The following KIAA1549L variants were observed in gnomAD, a reference collection of about 807,000 sequenced individuals.
KIAA1549L encodes KIAA1549 like.
Under a neutral mutation model 160.7 loss-of-function variants are expected in KIAA1549L, and 88 were observed. The observed-to-expected ratio is 0.55, with a 90% CI of 0.46 to 0.65. The LOEUF is 0.65. Among genes scored for constraint, KIAA1549L ranks in the 30% least tolerant of loss-of-function variants. KIAA1549L has a pLI of 0.00. For missense variants in KIAA1549L, 2,258 were observed against 2,437.5 expected (o/e 0.93, Z 1.55); for synonymous variants, 950 against 976.7 (o/e 0.97, Z 0.51).
intron 1 of KIAA1549L, among the ~76,000 whole-genome samples, chr11:33,525,739 T>C (rs1853596369): frequency 6.6e-6 from 1 of 151,898 alleles, no homozygotes; most frequent in South Asian, 2.1e-4. Flanking sequence ...TCAGCTCTGC[T>C]CACCAGCTGC....
chr11:33,493,751 G>A (rs951150514), intron 1 of KIAA1549L, among the ~76,000 whole-genome samples: 4 of 152,200 alleles, frequency 2.6e-5, no homozygotes, highest in African/African-American at 7.2e-5. Flanking sequence ...TCCGAAGTTG[G>A]GTAAGGCTGG....
At chr11:33,386,261 C>T (rs1850170730) in intron 1 of KIAA1549L, among the ~76,000 whole-genome samples, 1 of 152,212 alleles carries the variant, frequency 6.6e-6, no homozygotes, top group African/African-American at 2.4e-5. Flanking sequence ...ATTCCCTTCT[C>T]TAGCAAATTT....
At chr11:33,538,678 G>T (rs12289492) in intron 1 of KIAA1549L, among the ~76,000 whole-genome samples, 2,993 of 152,220 alleles carry the variant, frequency 0.02, 101 homozygotes, top group African/African-American at 0.069. Flanking sequence ...TAAAAATATT[G>T]ACTCTGTTGT....
chr11:33,439,775 T>G (rs1198216251), intron 1 of KIAA1549L, among the ~76,000 whole-genome samples: 1 of 152,068 alleles, frequency 6.6e-6, no homozygotes, highest in African/African-American at 2.4e-5. Flanking sequence ...ATAATAGTTT[T>G]GACCTCAAAA....
chr11:33,580,587 A>AAAAAAAAAAAG (rs1554994225), intron 10 of KIAA1549L, among the ~76,000 whole-genome samples: 54 of 127,494 alleles, frequency 4.2e-4, no homozygotes, highest in African/African-American at 1.7e-3. Flanking sequence ...AAAAAAAAAA[A>AAAAAAAAAAAG]AAAAGAAAAG....
rs1854789513 is a variant in KIAA1549L, at chr11:33,559,983, A to G, written c.4018+72A>G. ...CTTTCTCCATTTAGCAAACATTTAT[A>G]GTGCCAGGCCACATACTACCACCTT... On this transcript the variant is annotated intron_variant, in intron 7 of 20. Transcript: ENST00000658780. 2.2e-6 allele frequency: 3 copies of G among 1,373,088 alleles called. No individual in the cohort carries two copies. In the Admixed American group the frequency reaches 5.5e-5, roughly 25 times the overall value. The allele number at this position is 1,373,088 out of a possible 1,614,324, so 85.1% of individuals were successfully genotyped here. A position where few individuals can be genotyped will look rare whatever the true frequency, so the allele number is the denominator to read the frequency against.
intron 1 of KIAA1549L, among the ~76,000 whole-genome samples, chr11:33,380,913 GTTCA>G (rs1850061974): frequency 1.3e-5 from 2 of 151,980 alleles, no homozygotes. Context: ...AAGCTCATTT[GTTCA>G]TTCATTCATT....
intron 13 of KIAA1549L, among the ~76,000 whole-genome samples, chr11:33,599,752 C>A (rs530618150): frequency 6.6e-6 from 1 of 152,158 alleles, no homozygotes. Context: ...GTGGCCCTTC[C>A]GTGTGTGATG....
chr11:33,654,355 G>A (rs1245602187), intron 17 of KIAA1549L, among the ~76,000 whole-genome samples: 1 of 152,172 alleles, frequency 6.6e-6, no homozygotes, highest in Non-Finnish European at 1.5e-5. Context: ...AGTCCTTAAA[G>A]GTCTGAATCT....
chr11:33,475,491 A>C (rs1590272598), intron 1 of KIAA1549L, among the ~76,000 whole-genome samples: 1 of 151,356 alleles, frequency 6.6e-6, no homozygotes, highest in South Asian at 2.1e-4. Flanking sequence ...CAGGAGTTCG[A>C]GGTTATAGTA....
At chr11:33,523,796 T>G (rs994052205) in intron 1 of KIAA1549L, among the ~76,000 whole-genome samples, 1 of 152,198 alleles carries the variant, frequency 6.6e-6, no homozygotes, top group Non-Finnish European at 1.5e-5. Context: ...ATTAAATAAT[T>G]TATTAAATGT....
intron 1 of KIAA1549L, among the ~76,000 whole-genome samples, chr11:33,431,817 C>T (rs542540313): frequency 7.4e-4 from 113 of 152,324 alleles, no homozygotes; most frequent in East Asian, 3.1e-3. Flanking sequence ...CGGGGAGGCT[C>T]GGGCTGCACA....
chr11:33,408,338 G>T (rs1490207230), intron 1 of KIAA1549L, among the ~76,000 whole-genome samples: 3 of 152,120 alleles, frequency 2.0e-5, no homozygotes, highest in Non-Finnish European at 4.4e-5. Context: ...CATAGCATCT[G>T]CGTGATCTTG....
chr11:33,380,506 C>T (rs1041468296), intron 1 of KIAA1549L, among the ~76,000 whole-genome samples: 10 of 152,072 alleles, frequency 6.6e-5, no homozygotes, highest in African/African-American at 2.4e-4. Context: ...AATGTATATT[C>T]TGTTGTTTTG....
intron 16 of KIAA1549L, among the ~76,000 whole-genome samples, chr11:33,624,020 G>A (rs941213497): frequency 5.9e-5 from 9 of 152,106 alleles, no homozygotes; most frequent in Admixed American, 6.6e-5. Context: ...ACTTCTTTCA[G>A]GCCAGGGTCC....
chr11:33,510,791 C>T (rs1403122771), intron 1 of KIAA1549L, among the ~76,000 whole-genome samples: 1 of 152,238 alleles, frequency 6.6e-6, no homozygotes, highest in Non-Finnish European at 1.5e-5. Flanking sequence ...GGGTGTTCCT[C>T]AGAGTCACCA....
intron 1 of KIAA1549L, chr11:33,403,747 T>TTTCTTC (rs1850588595): frequency 6.6e-6 from 1 of 152,286 alleles, no homozygotes; most frequent in Non-Finnish European, 1.5e-5. Flanking sequence ...TTTCTTTCTT[T>TTTCTTC]TTCTTCCAAG....
chr11:33,662,546 G>A (rs1255870445), intron 20 of KIAA1549L, among the ~76,000 whole-genome samples: 4 of 152,108 alleles, frequency 2.6e-5, no homozygotes, highest in East Asian at 1.9e-4. Flanking sequence ...TATGATTTGA[G>A]CAATTCAGAG....
At chr11:33,574,897 A>C in intron 10 of KIAA1549L, 24 bp downstream of exon 10, 2 of 1,597,418 alleles carry the variant, frequency 1.3e-6, no homozygotes, top group Non-Finnish European at 1.7e-6. Context: ...CTTTTTATTC[A>C]GTCTTTTTAA....
Sources: allele counts gnomAD v4.1 joint callset (sites outside exome capture counted in the v4.1 genomes callset), GRCh38; gene constraint gnomAD v4.1.1; transcripts MANE v1.5; gene names NCBI Gene and HGNC (gene_info 2026-07-23, HGNC 2026-07-21).